TMC8: variants seen among roughly 807,000 people sequenced by gnomAD.
The protein encoded by TMC8 is transmembrane channel-like protein 8.
In TMC8, 71 loss-of-function variants were observed where a neutral mutation model predicts 76.0. The observed-to-expected ratio is 0.93, with a 90% confidence interval of 0.77 to 1.14. The LOEUF is 1.14. Ranked by LOEUF, TMC8 falls within the 50% of genes most tolerant of loss-of-function variation. The probability of loss-of-function intolerance (pLI) is 0.00; values close to 1 mark genes in which losing one functional copy is unlikely to be tolerated. For synonymous variants in TMC8, 433 were observed against 433.8 expected (o/e 1.00, Z 0.02); for missense variants, 924 against 947.9 (o/e 0.97, Z 0.33).
At chr17:78,133,596 CCCCTTCCTTGGCAGGGTA>C in intron 6 of TMC8, 54 bp downstream of exon 6, 1 of 1,602,464 alleles carries the variant, frequency 6.2e-7, no homozygotes, top group Non-Finnish European at 8.5e-7. Context: ...TCCCTGATCA[CCCCTTCCTTGGCAGGGTA>C]CCCTCCCATT....
Position 78,138,000 on chromosome 17 carries a change from T to C in TMC8, c.1350-5T>C. ...GTGAGTACCTGGACCCTCCCATCCC[T>C]GCAGGCTGCTGGTGGACCGGTTCTC... On this transcript the variant is annotated splice_region_variant and splice_polypyrimidine_tract_variant and intron_variant, in intron 11 of 15. Transcript: ENST00000318430. 1 of 1,613,824 alleles carries C rather than the reference T, an allele frequency of 6.2e-7. No homozygotes were observed. Among genetic ancestry groups the C allele is most frequent in the Non-Finnish European group, 8.5e-7 (1 of 1,180,008 alleles).
rs1237055200 is a variant in TMC8 at position 78,140,970 on chromosome 17, G to A, written c.2039G>A (p.Cys680Tyr). Residue 680 changes from cysteine (C) to tyrosine (Y), a missense_variant, in exon 16 of 16, where the codon TGC becomes TAC. Physicochemically the swap from Cys to Tyr is radical, Grantham distance 194. Transcript: ENST00000318430. Reference protein sequence around the residue: ...RPQSFCPGCPCPGSPGHQAPR... With the variant: ...RPQSFCPGCPYPGSPGHQAPR... ...CAGTCCTTCTGCCCCGGATGCCCAT[G>A]CCCTGGCTCCCCGGGCCACCAGGCC... The A allele has an allele frequency of 2.1e-5, 33 of 1,593,968 alleles. No homozygotes were observed. Among genetic ancestry groups the A allele is most frequent in the Non-Finnish European group, 2.8e-5 (33 of 1,171,020 alleles).
rs140555501 is a variant in TMC8 at position 78,134,676 on chromosome 17, G to A, written c.987+112G>A. 257 of 1,524,482 alleles carry A rather than the reference G, an allele frequency of 1.7e-4. 2 individuals are homozygous for A. In the African/African-American group the frequency reaches 3.0e-3, roughly 18 times the overall value. 94.4% of individuals were successfully genotyped at this position (1,524,482 alleles called of 1,614,324 possible). Reference sequence around the variant, plus strand: ...GCTCAGAGAGGTTCAATCGGTCGTGGCCACAGGTCACGGCCAAGGCAGGCG... The same window carrying A: ...GCTCAGAGAGGTTCAATCGGTCGTGACCACAGGTCACGGCCAAGGCAGGCG... On this transcript the variant is annotated intron_variant, in intron 8 of 15. Coordinates refer to ENST00000318430, the MANE Select transcript of TMC8 (RefSeq NM_152468.5).
intron 9 of TMC8, chr17:78,136,740 T>C (rs1242907198): frequency 1.1e-5 from 3 of 266,722 alleles, no homozygotes; most frequent in African/African-American, 4.4e-5. Context: ...ATGGCTGGAC[T>C]GTGCAGTGTT....
At chr17:78,135,149 C>A in intron 9 of TMC8, 140 bp downstream of exon 9, 1 of 1,112,938 alleles carries the variant, frequency 9.0e-7, no homozygotes, top group Non-Finnish European at 1.3e-6. Flanking sequence ...AAGGCAGGTA[C>A]ACACCTCACA....
chr17:78,131,822 C>T lies in TMC8; in HGVS notation c.150-60C>T, dbSNP rs935212462. The T allele has an allele frequency of 4.0e-6, 6 of 1,499,968 alleles. No individual in the cohort carries two copies. In the African/African-American group the frequency reaches 8.4e-5, roughly 21 times the overall value. The allele number at this position is 1,499,968 out of a possible 1,614,324, so 92.9% of individuals were successfully genotyped here. ...GGATGGTGTGGGAGCACCCCGTCTG[C>T]TTGGCCCGGGTGGGCAGGGCGGGTG... On this transcript the variant is annotated intron_variant, in intron 2 of 15. Coordinates refer to ENST00000318430, the MANE Select transcript of TMC8 (RefSeq NM_152468.5).
At chr17:78,132,249 TG>T in intron 3 of TMC8, 109 bp from the exon 4 acceptor site, 2 of 1,439,342 alleles carry the variant, frequency 1.4e-6, no homozygotes, top group Non-Finnish European at 1.9e-6. Context: ...CTCGGGCGGG[TG>T]GGAGCCTGGC....
rs1201902997 is a variant in TMC8 at position 78,131,578 on chromosome 17, T to C, written c.-11T>C. The C allele has an allele frequency of 1.3e-6, 2 of 1,542,682 alleles. No homozygotes were observed. Among genetic ancestry groups the C allele is most frequent in the East Asian group, 4.9e-5 (2 of 40,914 alleles). On this transcript the variant is annotated 5_prime_UTR_variant, in exon 2 of 16. Transcript: ENST00000318430. ...AGCCCGGCGCCCCAGCCTCTACCCG[T>C]GCCCGCCGAGATGCTGCTGCCGCGG...
At chr17:78,134,107 G>C in intron 7 of TMC8, 107 bp downstream of exon 7, 1 of 1,517,102 alleles carries the variant, frequency 6.6e-7, no homozygotes, top group Middle Eastern at 1.7e-4. Flanking sequence ...GACCGTGCCA[G>C]TGTGTGTGAG....
intron 14 of TMC8, 108 bp downstream of exon 14, chr17:78,138,840 A>C (rs767181308): frequency 6.4e-7 from 1 of 1,558,888 alleles, no homozygotes; most frequent in Non-Finnish European, 8.6e-7. Flanking sequence ...AGACGCAGAA[A>C]GCCAAGGGAA....
rs1255781339 is a variant in TMC8, at chr17:78,133,871, G to A, written c.687G>A (p.Pro229=). 16 of 1,613,282 alleles carry A rather than the reference G, an allele frequency of 9.9e-6. No individual in the cohort carries two copies. Among genetic ancestry groups the A allele is most frequent in the East Asian group, 4.5e-5 (2 of 44,884 alleles). Reference sequence around the variant, plus strand: ...CCCGCAGGATGGTGAAGGGGCTGCCGCAGAAGACTCTGCTGGGTCAGGGCT... The same window carrying A: ...CCCGCAGGATGGTGAAGGGGCTGCCACAGAAGACTCTGCTGGGTCAGGGCT... The part of the protein sequence containing the change: ...GTLRRMVKGL[P]QKTLLGQGYQ... Residue 229 remains proline, a synonymous_variant, in exon 7 of 16, where the codon CCG becomes CCA. Transcript: ENST00000318430.
chr17:78,137,061 T>C, intron 9 of TMC8, 174 bp from the exon 10 acceptor site: 1 of 933,146 alleles, frequency 1.1e-6, no homozygotes. Context: ...GCCTGGAGAC[T>C]CGGACTCTGA....
At chr17:78,139,261 T>C (rs987141814) in intron 15 of TMC8, 21 bp downstream of exon 15, 27 of 1,612,330 alleles carry the variant, frequency 1.7e-5, no homozygotes, top group East Asian at 6.7e-5. Flanking sequence ...TCGGGGCTGG[T>C]GAGGGGACAG....
chr17:78,133,831 C>A, intron 6 of TMC8, 22 bp from the exon 7 acceptor site: 1 of 1,612,760 alleles, frequency 6.2e-7, no homozygotes, highest in Non-Finnish European at 8.5e-7. Context: ...CCTCCAGCAG[C>A]CCCTGGTCTC....
intron 9 of TMC8, among the ~76,000 whole-genome samples, chr17:78,136,320 A>G (rs2075228250): frequency 6.6e-6 from 1 of 151,982 alleles, no homozygotes; most frequent in Non-Finnish European, 1.5e-5. Context: ...AAAAAAATTA[A>G]CTGGGCATGA....
intron 15 of TMC8, among the ~76,000 whole-genome samples, chr17:78,140,434 G>T (rs2145734477): frequency 6.6e-6 from 1 of 152,022 alleles, no homozygotes; most frequent in East Asian, 1.9e-4. Context: ...GGCCTCTACC[G>T]GGGGCGTGGC....
intron 9 of TMC8, among the ~76,000 whole-genome samples, chr17:78,135,873 G>A (rs1205129884): frequency 6.6e-6 from 1 of 152,096 alleles, no homozygotes; most frequent in East Asian, 1.9e-4. Context: ...GGCCAACATG[G>A]TGAAACCCTG....
rs928247900 is a variant in TMC8 at position 78,133,550 on chromosome 17, C to G, written c.668+8C>G. On this transcript the variant is annotated splice_region_variant and intron_variant, in intron 6 of 15. Transcript: ENST00000318430. ...CTGTGGGACTCTGCGGCGGTGAGAG[C>G]GAGGTCCACACCTTCACCCCTTCCC... 6.2e-7 allele frequency: 1 copy of G among 1,610,522 alleles called. No individual in the cohort carries two copies. The highest frequency in any genetic ancestry group is 8.5e-7 in the Non-Finnish European group (1 of 1,179,982).
chr17:78,132,055 C>T lies in TMC8; in HGVS notation c.298+25C>T. The T allele has an allele frequency of 2.0e-6, 3 of 1,534,828 alleles. No homozygotes were observed. In the South Asian group the frequency reaches 3.6e-5, roughly 18 times the overall value. Reference sequence around the variant, plus strand: ...GGTAGGACCCGCGCGACCCGCACCTCCCCTTGCCCTCTCTGGAGCCCCACT... The same window carrying T: ...GGTAGGACCCGCGCGACCCGCACCTTCCCTTGCCCTCTCTGGAGCCCCACT... On this transcript the variant is annotated intron_variant, in intron 3 of 15. Coordinates refer to ENST00000318430, the MANE Select transcript of TMC8 (RefSeq NM_152468.5).
Sources: allele counts gnomAD v4.1 joint callset (sites outside exome capture counted in the v4.1 genomes callset), GRCh38; gene constraint gnomAD v4.1.1; transcripts MANE v1.5; gene names NCBI Gene and HGNC (gene_info 2026-07-23, HGNC 2026-07-21).